Variants in HACD3 observed in about 807,000 individuals in gnomAD.
The protein encoded by HACD3 is very-long-chain (3R)-3-hydroxyacyl-CoA dehydratase 3.
Under a neutral mutation model 55.2 loss-of-function variants are expected in HACD3, and 30 were observed. The observed-to-expected ratio is 0.54, with a 90% CI of 0.41 to 0.74. The LOEUF (loss-of-function observed/expected upper bound fraction) is 0.74, where lower values mean the gene tolerates loss of function less well. Ranked by LOEUF, HACD3 falls within the 30% of genes least tolerant of loss-of-function variation. The pLI is 0.00. For missense variants in HACD3, 363 were observed against 440.1 expected (o/e 0.82, Z 1.57); for synonymous variants, 141 against 151.7 (o/e 0.93, Z 0.52).
At chr15:65,562,122 C>T (rs1042583942) in intron 5 of HACD3, among the ~76,000 whole-genome samples, 5 of 152,164 alleles carry the variant, frequency 3.3e-5, no homozygotes, top group African/African-American at 7.2e-5. Context: ...GAGACTTCAT[C>T]GGATAGGCAT....
intron 1 of HACD3, among the ~76,000 whole-genome samples, chr15:65,549,741 C>G (rs1285354112): frequency 6.6e-6 from 1 of 152,102 alleles, no homozygotes; most frequent in East Asian, 1.9e-4. Context: ...CCCATTCCAT[C>G]TGCCTGTCTC....
chr15:65,565,995 A>G (rs1465532259), intron 7 of HACD3: 1 of 152,182 alleles, frequency 6.6e-6, no homozygotes, highest in Non-Finnish European at 1.5e-5. Context: ...TCAGAGTTCT[A>G]CAGATCTCTA....
Position 65,572,241 on chromosome 15 carries a change from C to T in HACD3, c.887C>T (p.Ser296Leu). The T allele has an allele frequency of 6.2e-7, 1 of 1,612,134 alleles. No homozygotes were observed. The highest frequency in any genetic ancestry group is 8.5e-7 in the Non-Finnish European group (1 of 1,179,518). ...YPLGCLAEAV[S>L]VIQSIPIFNE... Reference sequence around the variant, plus strand: ...TTCTTGTTTCTGTTTTCAGCTGTCTCAGTGATTCAGTCCATTCCAATATTC... The same window carrying T: ...TTCTTGTTTCTGTTTTCAGCTGTCTTAGTGATTCAGTCCATTCCAATATTC... Residue 296 changes from serine to leucine, a missense_variant, in exon 10 of 11, where the codon TCA (serine) becomes TTA (leucine). Physicochemically the swap from Ser to Leu is moderately radical, Grantham distance 145. Coordinates refer to ENST00000261875, the MANE Select transcript of HACD3 (RefSeq NM_016395.4).
At chr15:65,570,982 C>T (rs767156092) in intron 8 of HACD3, among the ~76,000 whole-genome samples, 5 of 152,098 alleles carry the variant, frequency 3.3e-5, no homozygotes, top group African/African-American at 4.8e-5. Flanking sequence ...AAATCAGACA[C>T]GTAATGTGCT....
intron 1 of HACD3, among the ~76,000 whole-genome samples, chr15:65,531,888 CATTCTT>C (rs2071904625): frequency 6.6e-6 from 1 of 152,028 alleles, no homozygotes; most frequent in African/African-American, 2.4e-5. Context: ...TTTCTACAGT[CATTCTT>C]ATTGGAAACT....
chr15:65,551,809 C>T, intron 2 of HACD3, 91 bp downstream of exon 2: 2 of 1,489,992 alleles, frequency 1.3e-6, no homozygotes, highest in East Asian at 2.3e-5. Context: ...ATTTGTCTTA[C>T]TTGTTTTTTG....
Position 65,571,448 on chromosome 15 carries a change from G to A in HACD3, c.774-100G>A, listed in dbSNP as rs924699055. On this transcript the variant is annotated intron_variant, in intron 8 of 10. Transcript: ENST00000261875. ...TATAATTCTGTTCTGAAGAAGCCATGTGTGGCTGAGAAATAGAATTCTTCT... is the reference window on the plus strand; with the variant it reads ...TATAATTCTGTTCTGAAGAAGCCATATGTGGCTGAGAAATAGAATTCTTCT... The A allele has an allele frequency of 1.7e-5, 14 of 837,362 alleles. No individual in the cohort carries two copies. In the African/African-American group the frequency reaches 2.2e-4, roughly 13 times the overall value. The allele number at this position is 837,362 out of a possible 1,614,324, so 51.9% of individuals were successfully genotyped here. A position where few individuals can be genotyped will look rare whatever the true frequency, so the allele number is the denominator to read the frequency against.
rs368696958 is a variant in HACD3, at chr15:65,564,356, A to C, written c.660+14A>C. On this transcript the variant is annotated intron_variant, in intron 7 of 10. Coordinates refer to ENST00000261875, the MANE Select transcript of HACD3 (RefSeq NM_016395.4). ...TCTCTGATCCAGGTATTGAATAGTT[A>C]AGCTGAAGGGTGGGTAATGGAAGGT... 3.1e-6 allele frequency: 5 copies of C among 1,610,290 alleles called. No individual in the cohort carries two copies. In the African/African-American group the frequency reaches 5.3e-5, roughly 17 times the overall value.
intron 1 of HACD3, among the ~76,000 whole-genome samples, chr15:65,548,708 G>A (rs1378115437): frequency 2.0e-5 from 3 of 151,930 alleles, no homozygotes; most frequent in Admixed American, 6.6e-5. Context: ...AAGTAGCTGG[G>A]ACCGCAGGCA....
chr15:65,549,787 G>GA (rs1158662745), intron 1 of HACD3, among the ~76,000 whole-genome samples: 2 of 152,124 alleles, frequency 1.3e-5, no homozygotes, highest in Non-Finnish European at 2.9e-5. Flanking sequence ...ATTAATAGAA[G>GA]AAAAGGTCCT....
intron 1 of HACD3, among the ~76,000 whole-genome samples, chr15:65,533,664 C>CA (rs1319215263): frequency 7.0e-6 from 1 of 143,690 alleles, no homozygotes; most frequent in Non-Finnish European, 1.5e-5. Context: ...CACGGGTTGC[C>CA]TTTTTTTTTT....
intron 1 of HACD3, among the ~76,000 whole-genome samples, chr15:65,548,233 G>A (rs1166666046): frequency 2.0e-5 from 3 of 152,034 alleles, no homozygotes; most frequent in African/African-American, 7.2e-5. Flanking sequence ...ATTATGGCTG[G>A]GCATGGTGGC....
At chr15:65,569,694 C>T (rs1025358101) in intron 7 of HACD3, among the ~76,000 whole-genome samples, 4 of 151,488 alleles carry the variant, frequency 2.6e-5, no homozygotes, top group Non-Finnish European at 2.9e-5. Context: ...GGTGACGGAG[C>T]GAGACCCCGT....
At chr15:65,546,304 A>G (rs77106195) in intron 1 of HACD3, among the ~76,000 whole-genome samples, 7,200 of 152,294 alleles carry the variant, frequency 0.047, 580 homozygotes, top group African/African-American at 0.17. Context: ...ACAATTGTTC[A>G]TGTAGATTTT....
At chr15:65,538,767 T>C (rs2071988997) in intron 1 of HACD3, among the ~76,000 whole-genome samples, 2 of 152,180 alleles carry the variant, frequency 1.3e-5, no homozygotes, top group Admixed American at 1.3e-4. Flanking sequence ...TTCATTGTTG[T>C]CCTCCTTTAA....
rs547992374 is a variant in HACD3, at chr15:65,536,856, A to T, written c.87+6138A>T. On this transcript the variant is annotated intron_variant, in intron 1 of 10. Transcript: ENST00000261875. ...AAGCTAGAAATCATTAAGCTTAGTGAGGAAGGCATGTCAAAACTGAGACAG... is the reference window on the plus strand; with the variant it reads ...AAGCTAGAAATCATTAAGCTTAGTGTGGAAGGCATGTCAAAACTGAGACAG... Among the ~76,000 whole-genome samples, 3 of 152,366 alleles carry T rather than the reference A, an allele frequency of 2.0e-5. No individual in the cohort carries two copies. The East Asian group carries it at 5.8e-4, about 29-fold the overall frequency.
intron 10 of HACD3, among the ~76,000 whole-genome samples, 164 bp downstream of exon 10, chr15:65,572,530 G>A (rs1014265845): frequency 6.6e-6 from 1 of 152,124 alleles, no homozygotes; most frequent in Non-Finnish European, 1.5e-5. Flanking sequence ...CTATGGTAAG[G>A]AAATATTTCT....
intron 1 of HACD3, among the ~76,000 whole-genome samples, chr15:65,544,962 G>A (rs1304362217): frequency 4.6e-5 from 7 of 151,438 alleles, no homozygotes; most frequent in Admixed American, 6.6e-5. Context: ...CGGAGGTTGC[G>A]GTGAGCCGAG....
At position 65,530,598 on chromosome 15, in the gene HACD3, A is replaced by G; in HGVS notation, c.-34A>G. 6.5e-7 allele frequency: 1 copy of G among 1,539,460 alleles called. No individual in the cohort carries two copies. Among genetic ancestry groups the G allele is most frequent in the Non-Finnish European group, 8.8e-7 (1 of 1,137,342 alleles). On this transcript the variant is annotated 5_prime_UTR_variant, in exon 1 of 11. Transcript: ENST00000261875. The stretch of plus-strand genomic sequence containing the variant: ...CTACCTGAGGCAGCGAGGCGCAGCG[A>G]GCCTAGCCTCCCCGCGCCCTGGGCA...
Sources: allele counts gnomAD v4.1 joint callset (sites outside exome capture counted in the v4.1 genomes callset), GRCh38; gene constraint gnomAD v4.1.1; transcripts MANE v1.5; gene names NCBI Gene and HGNC (gene_info 2026-07-23, HGNC 2026-07-21).